CSMD1: variants seen among roughly 807,000 people sequenced by gnomAD.
The protein encoded by CSMD1 is CUB and sushi domain-containing protein 1.
A neutral mutation model predicts 417.5 loss-of-function variants in CSMD1; 213 were observed. The ratio of observed to expected loss-of-function variants is 0.51; its 90% CI spans 0.46 to 0.57. CSMD1 has a LOEUF of 0.57. Ranked by LOEUF, CSMD1 falls within the 20% of genes least tolerant of loss-of-function variation. CSMD1 has a pLI of 0.00. For synonymous variants in CSMD1, 2,862 were observed against 1,736.8 expected, an observed-to-expected ratio of 1.65 and a Z score of -16.11; for missense variants, 6,923 against 4,529.7, an observed-to-expected ratio of 1.53 and a Z score of -15.17.
chr8:4,886,182 G>A (rs1475919067), intron 1 of CSMD1, among the ~76,000 whole-genome samples: 3 of 151,900 alleles, frequency 2.0e-5, no homozygotes, highest in East Asian at 1.9e-4. Context: ...GTAAAGATCA[G>A]GTTTCACCAT....
chr8:3,506,846 A>C (rs116381492), intron 10 of CSMD1, among the ~76,000 whole-genome samples: 178 of 152,344 alleles, frequency 1.2e-3, no homozygotes, highest in African/African-American at 4.2e-3. Context: ...AAACACCATA[A>C]AACTAAAATA....
chr8:4,756,833 A>G (rs1300010346), intron 1 of CSMD1, among the ~76,000 whole-genome samples: 1 of 152,218 alleles, frequency 6.6e-6, no homozygotes, highest in Non-Finnish European at 1.5e-5. Context: ...GGGCCCAGGT[A>G]TAACACAGTG....
intron 57 of CSMD1, among the ~76,000 whole-genome samples, chr8:2,971,903 C>T (rs186400562): frequency 6.6e-6 from 1 of 151,972 alleles, no homozygotes; most frequent in Non-Finnish European, 1.5e-5. Flanking sequence ...CTTTGATTGT[C>T]AAGAGGCAAT....
At chr8:4,295,511 A>G (rs1242251751) in intron 3 of CSMD1, among the ~76,000 whole-genome samples, 3 of 144,552 alleles carry the variant, frequency 2.1e-5, no homozygotes, top group Non-Finnish European at 4.5e-5. Context: ...TTATACACAT[A>G]TAATCTTATA....
chr8:4,874,229 A>G (rs1471102838), intron 1 of CSMD1, among the ~76,000 whole-genome samples: 5 of 152,086 alleles, frequency 3.3e-5, no homozygotes, highest in African/African-American at 1.2e-4. Flanking sequence ...CCACTGTATA[A>G]TTGGCCGTGG....
chr8:4,071,855 T>C (rs1015433387), intron 3 of CSMD1, among the ~76,000 whole-genome samples: 1 of 152,110 alleles, frequency 6.6e-6, no homozygotes, highest in Non-Finnish European at 1.5e-5. Flanking sequence ...TCCACTCTCA[T>C]GGAACTCCTC....
At chr8:3,444,932 T>C (rs1478031152) in intron 12 of CSMD1, among the ~76,000 whole-genome samples, 1 of 152,186 alleles carries the variant, frequency 6.6e-6, no homozygotes, top group Non-Finnish European at 1.5e-5. Context: ...CCCCGTCTCC[T>C]GATGGGAGAA....
chr8:4,369,914 A>G (rs750325737), intron 3 of CSMD1, among the ~76,000 whole-genome samples: 5 of 152,126 alleles, frequency 3.3e-5, no homozygotes, highest in Non-Finnish European at 5.9e-5. Context: ...AATGTATTTT[A>G]TGCATTTAAA....
rs147397311 is a variant in CSMD1, at chr8:3,875,047, C to T, written c.819-121005G>A. 2.1e-3 allele frequency among the ~76,000 whole-genome samples: 325 copies of T among 152,006 alleles called. 2 individuals carry two copies. The highest frequency in any genetic ancestry group is 3.9e-3 in the Non-Finnish European group (262 of 68,002). ...GCACAAAGGCTGGCATGAGCTGGGG[C>T]GGCTGAAAGAGCAGAAGAGCGGACA... is the stretch of plus-strand genomic sequence containing the variant. On this transcript the variant is annotated intron_variant, in intron 5 of 69. Coordinates refer to ENST00000635120, the MANE Select transcript of CSMD1 (RefSeq NM_033225.6).
chr8:3,782,521 AG>A (rs1584990122), intron 5 of CSMD1, among the ~76,000 whole-genome samples: 2 of 152,360 alleles, frequency 1.3e-5, no homozygotes. Context: ...GGGGAGGGAT[AG>A]CATGAGGAGA....
At chr8:4,924,895 G>A (rs1406652771) in intron 1 of CSMD1, among the ~76,000 whole-genome samples, 1 of 152,040 alleles carries the variant, frequency 6.6e-6, no homozygotes, top group Non-Finnish European at 1.5e-5. Context: ...ACAAAACTGG[G>A]ATTTGAACCC....
intron 3 of CSMD1, among the ~76,000 whole-genome samples, chr8:4,109,113 T>G (rs1272435386): frequency 6.6e-6 from 1 of 152,184 alleles, no homozygotes; most frequent in Non-Finnish European, 1.5e-5. Flanking sequence ...TTAAATCATC[T>G]CTAGATTATT....
At chr8:3,825,282 C>T (rs117020913) in intron 5 of CSMD1, among the ~76,000 whole-genome samples, 13,024 of 152,152 alleles carry the variant, frequency 0.086, 1,314 homozygotes, top group African/African-American at 0.24. Flanking sequence ...GTAATCTCAG[C>T]ACTTTGGGAG....
At chr8:4,826,167 G>T (rs768490713) in intron 1 of CSMD1, among the ~76,000 whole-genome samples, 1 of 152,038 alleles carries the variant, frequency 6.6e-6, no homozygotes, top group Admixed American at 6.6e-5. Flanking sequence ...TCAGGATCTT[G>T]TAGAGACATG....
rs572481551 is a variant in CSMD1, at chr8:4,108,033, G to C, written c.416-75934C>G. 1.9e-4 allele frequency among the ~76,000 whole-genome samples: 29 copies of C among 151,096 alleles called. 1 individual carries two copies. Among genetic ancestry groups the C allele is most frequent in the Admixed American group, 7.9e-4 (12 of 15,136 alleles). ...ACAGAAAGACTGCAGGGGAGAGAGAGAGAGAGAAAGAGAGACAGAGACAGA... is the reference window on the plus strand; with the variant it reads ...ACAGAAAGACTGCAGGGGAGAGAGACAGAGAGAAAGAGAGACAGAGACAGA... On this transcript the variant is annotated intron_variant, in intron 3 of 69. Coordinates refer to ENST00000635120, the MANE Select transcript of CSMD1 (RefSeq NM_033225.6).
chr8:4,666,783 C>G (rs978569627), intron 1 of CSMD1, among the ~76,000 whole-genome samples: 4 of 152,070 alleles, frequency 2.6e-5, no homozygotes, highest in Non-Finnish European at 4.4e-5. Flanking sequence ...CAAAAACGTT[C>G]TCACATTCTG....
At chr8:4,233,320 A>C (rs1714679) in intron 3 of CSMD1, among the ~76,000 whole-genome samples, 3 of 152,208 alleles carry the variant, frequency 2.0e-5, no homozygotes, top group African/African-American at 7.2e-5. Context: ...AATGTTAAAA[A>C]CCTCTCTTCA....
chr8:3,653,454 G>A (rs1420604364), intron 7 of CSMD1, among the ~76,000 whole-genome samples: 3 of 152,016 alleles, frequency 2.0e-5, no homozygotes, highest in Non-Finnish European at 4.4e-5. Flanking sequence ...GATTATAGGT[G>A]CCCAACACCA....
chr8:4,381,559 G>C (rs1255186748), intron 3 of CSMD1, among the ~76,000 whole-genome samples: 2 of 152,056 alleles, frequency 1.3e-5, no homozygotes, highest in Non-Finnish European at 1.5e-5. Flanking sequence ...TTGGAGATAT[G>C]ATTGCAATTC....
Sources: allele counts gnomAD v4.1 joint callset (sites outside exome capture counted in the v4.1 genomes callset), GRCh38; gene constraint gnomAD v4.1.1; transcripts MANE v1.5; gene names NCBI Gene and HGNC (gene_info 2026-07-23, HGNC 2026-07-21).